The following USP24 variants were observed in gnomAD, a reference collection of about 807,000 sequenced individuals.
The protein encoded by USP24 is ubiquitin carboxyl-terminal hydrolase 24.
Under a neutral mutation model 361.6 loss-of-function variants are expected in USP24, and 97 were observed. The ratio of observed to expected loss-of-function variants is 0.27; its 90% CI spans 0.23 to 0.32. The LOEUF is 0.32. Ranked by LOEUF, USP24 falls within the 10% of genes least tolerant of loss-of-function variation. The pLI is 1.00. For missense variants in USP24, 2,353 were observed against 3,165.6 expected (o/e 0.74, Z 6.16); for synonymous variants, 1,098 against 1,124.6 (o/e 0.98, Z 0.47).
intron 1 of USP24, among the ~76,000 whole-genome samples, chr1:55,184,969 T>TA (rs1644088240): frequency 6.6e-6 from 1 of 151,972 alleles, no homozygotes; most frequent in South Asian, 2.1e-4. Flanking sequence ...ATTTTTATTT[T>TA]TTTTTTGACA....
rs114987081 is a variant in USP24 at position 55,187,489 on chromosome 1, G to T, written c.325-9357C>A. On this transcript the variant is annotated intron_variant, in intron 1 of 67. Transcript: ENST00000294383. ...AATAAAAGGCATTCAGATTAAAGAG[G>T]ATGAAATAAAACTACTTCTATTCAC... Among the ~76,000 whole-genome samples the T allele has an allele frequency of 2.9e-3, 448 of 152,252 alleles. 3 individuals are homozygous for T. The highest frequency in any genetic ancestry group is 0.01 in the African/African-American group (432 of 41,538).
intron 1 of USP24, among the ~76,000 whole-genome samples, chr1:55,192,918 G>A: frequency 6.6e-6 from 1 of 152,212 alleles, no homozygotes; most frequent in South Asian, 2.1e-4. Context: ...GCTGACTTTT[G>A]TATGTGGTTC....
At chr1:55,214,602 T>C (rs1048754141) in intron 1 of USP24, among the ~76,000 whole-genome samples, 188 bp downstream of exon 1, 2 of 151,844 alleles carry the variant, frequency 1.3e-5, no homozygotes, top group African/African-American at 2.4e-5. Context: ...CTCTCCCCAC[T>C]TACCCCCAAT....
At chr1:55,122,705 T>C (rs1043219486) in intron 36 of USP24, among the ~76,000 whole-genome samples, 1 of 150,384 alleles carries the variant, frequency 6.6e-6, no homozygotes, top group Non-Finnish European at 1.5e-5. Context: ...AAGTAGGGGG[T>C]GAAAAAAAGA....
Position 55,081,374 on chromosome 1 carries a change from A to G in USP24, c.7026T>C (p.Asn2342=), listed in dbSNP as rs1416623469. 6.2e-7 allele frequency: 1 copy of G among 1,613,634 alleles called. No homozygotes were observed. The highest frequency in any genetic ancestry group is 1.3e-5 in the African/African-American group (1 of 74,914). The change falls in exon 59 of 68, where the codon AAT becomes AAC. Residue 2342 remains asparagine (N), a synonymous_variant. Coordinates refer to ENST00000294383, the MANE Select transcript of USP24 (RefSeq NM_015306.3). ...AATGCAAAACAAGTAACGCCACTGT[A>G]TTGTGAAGATTCCCAAATTCTCGTG... ...AQAREFGNLH[N]TVALLVLHSD...
intron 38 of USP24, among the ~76,000 whole-genome samples, chr1:55,116,945 CA>C (rs1646133124): frequency 6.6e-6 from 1 of 152,124 alleles, no homozygotes; most frequent in Non-Finnish European, 1.5e-5. Flanking sequence ...AAATCTTCAA[CA>C]AAATACTATC....
At chr1:55,075,565 A>T in intron 62 of USP24, 42 bp from the exon 63 acceptor site, 1 of 1,495,166 alleles carries the variant, frequency 6.7e-7, no homozygotes, top group African/African-American at 1.4e-5. Context: ...AAAAGAAGGA[A>T]CTTGTCATAG....
At chr1:55,168,242 G>A (rs1057448302) in intron 5 of USP24, among the ~76,000 whole-genome samples, 1 of 152,122 alleles carries the variant, frequency 6.6e-6, no homozygotes, top group African/African-American at 2.4e-5. Flanking sequence ...AAACATGCAG[G>A]GGTGTTGGTG....
intron 16 of USP24, chr1:55,152,013 G>C: frequency 1.0e-6 from 1 of 984,892 alleles, no homozygotes; most frequent in South Asian, 4.7e-5. Flanking sequence ...AACACCTTTA[G>C]TGGAAGTAAA....
intron 19 of USP24, 128 bp downstream of exon 19, chr1:55,146,801 T>TA (rs1647040713): frequency 1.9e-6 from 2 of 1,061,040 alleles, no homozygotes; most frequent in South Asian, 1.9e-5. Context: ...TTTCAGCACT[T>TA]ACAGTTCTTG....
intron 38 of USP24, among the ~76,000 whole-genome samples, chr1:55,119,768 T>C (rs1646226379): frequency 6.6e-6 from 1 of 152,096 alleles, no homozygotes; most frequent in South Asian, 2.1e-4. Flanking sequence ...TTTCCCAGTT[T>C]GGTGATTGAC....
chr1:55,086,231 C>A, intron 55 of USP24, 193 bp from the exon 56 acceptor site: 1 of 599,414 alleles, frequency 1.7e-6, no homozygotes, highest in Admixed American at 2.9e-5. Flanking sequence ...ATGCCACATA[C>A]CAGCCAAGGC....
At chr1:55,190,221 G>A (rs1003410406) in intron 1 of USP24, among the ~76,000 whole-genome samples, 30 of 149,780 alleles carry the variant, frequency 2.0e-4, no homozygotes, top group Non-Finnish European at 4.3e-4. Flanking sequence ...CTTGACAGGC[G>A]AAATATACCA....
intron 55 of USP24, among the ~76,000 whole-genome samples, chr1:55,088,023 G>C (rs969792889): frequency 6.6e-6 from 1 of 152,194 alleles, no homozygotes; most frequent in Non-Finnish European, 1.5e-5. Context: ...AGGAAAGCCT[G>C]GAAGGACAAA....
chr1:55,122,969 G>A (rs2100604770), intron 36 of USP24, among the ~76,000 whole-genome samples: 1 of 152,284 alleles, frequency 6.6e-6, no homozygotes, highest in African/African-American at 2.4e-5. Flanking sequence ...CCAAGGGAAT[G>A]AATGGAGATA....
chr1:55,096,965 T>C lies in USP24; in HGVS notation c.5923A>G (p.Ile1975Val). The stretch of plus-strand genomic sequence containing the variant: ...GGAAACTCTTACCGCCTGTCCTTAA[T>C]GAAGGAATAGTAGTGGCCTGCGTGT... The part of the protein sequence containing the change: ...QAHAGHYYSF[I>V]KDRRGCGKGK... The change falls in exon 49 of 68, where the codon ATT (isoleucine) becomes GTT (valine). Residue 1975 changes from isoleucine (I) to valine (V), a missense_variant. This residue lies in a region of USP24 where 598 missense variants were observed against 761.9 expected (regional missense o/e 0.78). Coordinates refer to ENST00000294383, the MANE Select transcript of USP24 (RefSeq NM_015306.3). 1 of 1,613,644 alleles carries C rather than the reference T, an allele frequency of 6.2e-7. No individual in the cohort carries two copies. The highest frequency in any genetic ancestry group is 8.5e-7 in the Non-Finnish European group (1 of 1,179,750).
intron 45 of USP24, among the ~76,000 whole-genome samples, chr1:55,099,479 A>G (rs1645577014): frequency 6.6e-6 from 1 of 152,036 alleles, no homozygotes. Context: ...AATCTCTTGT[A>G]CCTGGAAGGT....
intron 1 of USP24, among the ~76,000 whole-genome samples, chr1:55,186,447 G>T (rs911500776): frequency 6.6e-6 from 1 of 152,270 alleles, no homozygotes; most frequent in East Asian, 1.9e-4. Context: ...ACTGAAAGAA[G>T]AGGCTTGAGC....
intron 3 of USP24, among the ~76,000 whole-genome samples, chr1:55,175,117 T>TA (rs1649827285): frequency 6.6e-6 from 1 of 151,728 alleles, no homozygotes; most frequent in African/African-American, 2.4e-5. Flanking sequence ...CTAAAATTAA[T>TA]TATATATATA....
Sources: allele counts gnomAD v4.1 joint callset (sites outside exome capture counted in the v4.1 genomes callset), GRCh38; gene constraint gnomAD v4.1.1; regional missense constraint gnomAD v4.1.1; transcripts MANE v1.5; gene names NCBI Gene and HGNC (gene_info 2026-07-23, HGNC 2026-07-21).